DTWD2: variants seen among roughly 807,000 people sequenced by gnomAD.
DTWD2 encodes the protein DTW motif tRNA-uridine aminocarboxypropyltransferase 2.
Under a neutral mutation model 31.8 loss-of-function variants are expected in DTWD2, and 39 were observed. The ratio of observed to expected loss-of-function variants is 1.22; its 90% CI spans 0.95 to 1.60. The LOEUF (loss-of-function observed/expected upper bound fraction) is 1.60. DTWD2 is among the 40% of genes most tolerant of loss of function. The probability of loss-of-function intolerance (pLI) is 0.00; values close to 1 mark genes in which losing one functional copy is unlikely to be tolerated. For synonymous variants in DTWD2, 180 were observed against 142.8 expected (o/e 1.26, Z -1.86); for missense variants, 515 against 381.5 (o/e 1.35, Z -2.92).
At position 118,883,216 on chromosome 5, in the gene DTWD2, C is replaced by T. The variant is rs185225159; in HGVS notation, c.598-34998G>A. On this transcript the variant is annotated intron_variant, in intron 4 of 5. Coordinates refer to ENST00000510708, the MANE Select transcript of DTWD2 (RefSeq NM_173666.4). ...TTTGCTAAAGCATAGCAAGAGTGAC[C>T]TTTGCTCCAGTTCCCAATAAGTTCC... Among the ~76,000 whole-genome samples, 31 of 152,282 alleles carry T rather than the reference C, an allele frequency of 2.0e-4. No homozygotes were observed. In the East Asian group the frequency reaches 2.9e-3, roughly 14 times the overall value.
intron 3 of DTWD2, among the ~76,000 whole-genome samples, chr5:118,933,415 A>G (rs183940102): frequency 6.6e-4 from 100 of 152,322 alleles, no homozygotes; most frequent in African/African-American, 2.3e-3. Flanking sequence ...AAAAATTCTC[A>G]ACAAAATATC....
chr5:118,902,048 CTAA>C (rs1753222166), intron 4 of DTWD2, among the ~76,000 whole-genome samples: 1 of 152,138 alleles, frequency 6.6e-6, no homozygotes, highest in Admixed American at 6.5e-5. Context: ...TAAACATATT[CTAA>C]TAATGTGTCT....
At position 118,839,354 on chromosome 5, in the gene DTWD2, G is replaced by GTTTA. The variant is rs965872473; in HGVS notation, c.*1559_*1562dup. 35 of 151,874 alleles carry GTTTA rather than the reference G, an allele frequency of 2.3e-4. No individual in the cohort carries two copies. The highest frequency in any genetic ancestry group is 6.3e-4 in the African/African-American group (26 of 41,442). The allele number at this position is 151,874 out of a possible 1,614,324, so 9.4% of individuals were successfully genotyped here. ...CTTTACATTGTAAATGAGCTAGTTTGTTTATTTATTTATTTATTTTAGACA... is the reference window on the plus strand; with the variant it reads ...CTTTACATTGTAAATGAGCTAGTTTGTTTATTTATTTATTTATTTATTTTAGACA... On this transcript the variant is annotated 3_prime_UTR_variant, in exon 6 of 6. Transcript: ENST00000510708.
At chr5:118,978,447 G>C (rs1471646598) in intron 1 of DTWD2, among the ~76,000 whole-genome samples, 1 of 152,080 alleles carries the variant, frequency 6.6e-6, no homozygotes. Flanking sequence ...ACAACCTACA[G>C]AATGGGAGAA....
At chr5:118,949,333 G>C (rs1308772587) in intron 1 of DTWD2, among the ~76,000 whole-genome samples, 2 of 152,150 alleles carry the variant, frequency 1.3e-5, no homozygotes, top group African/African-American at 2.4e-5. Flanking sequence ...AAAGCAAAGA[G>C]AGGCTGGGAT....
intron 4 of DTWD2, among the ~76,000 whole-genome samples, chr5:118,923,290 A>G (rs967919720): frequency 6.6e-6 from 1 of 152,218 alleles, no homozygotes; most frequent in Non-Finnish European, 1.5e-5. Flanking sequence ...TTGGCAGCCC[A>G]TTCAGGGCGC....
At chr5:118,977,591 C>T (rs1755194198) in intron 1 of DTWD2, among the ~76,000 whole-genome samples, 1 of 152,062 alleles carries the variant, frequency 6.6e-6, no homozygotes, top group Middle Eastern at 3.2e-3. Flanking sequence ...TTCGCAATTG[C>T]TACAAAGAGA....
In DTWD2 at chr5:118,988,490, G is replaced by C; in HGVS notation, c.22C>G (p.Arg8Gly). MESQKEA[R>G]TLQEPVARPS... ...CGCGCAACGGGCTCCTGGAGTGTTC[G>C]TGCCTCTTTCTGCGACTCCATGGCG... is the stretch of plus-strand genomic sequence containing the variant. The change falls in exon 1 of 6, where the codon CGA becomes GGA. Residue 8 changes from arginine (R) to glycine (G), a missense_variant. Arg to Gly is a moderately radical substitution (Grantham distance 125, BLOSUM62 -2). Transcript: ENST00000510708. 1 of 1,589,112 alleles carries C rather than the reference G, an allele frequency of 6.3e-7. No individual in the cohort carries two copies. The highest frequency in any genetic ancestry group is 8.5e-7 in the Non-Finnish European group (1 of 1,169,640).
At chr5:118,922,382 C>T (rs975635979) in intron 4 of DTWD2, among the ~76,000 whole-genome samples, 1 of 152,104 alleles carries the variant, frequency 6.6e-6, no homozygotes, top group Non-Finnish European at 1.5e-5. Context: ...TTCTCTCATA[C>T]ATTTAGAGCA....
intron 1 of DTWD2, among the ~76,000 whole-genome samples, chr5:118,960,206 T>C (rs868183457): frequency 1.3e-5 from 2 of 152,194 alleles, no homozygotes; most frequent in Admixed American, 1.3e-4. Flanking sequence ...AAAGGTCTAA[T>C]ATTCAGAATC....
intron 1 of DTWD2, among the ~76,000 whole-genome samples, chr5:118,953,587 T>G (rs975977277): frequency 1.3e-5 from 2 of 152,180 alleles, no homozygotes; most frequent in Non-Finnish European, 2.9e-5. Context: ...AAAGACCCTA[T>G]GGGGACACCA....
At chr5:118,861,852 G>A (rs577304042) in intron 4 of DTWD2, among the ~76,000 whole-genome samples, 87 of 152,280 alleles carry the variant, frequency 5.7e-4, no homozygotes, top group African/African-American at 1.9e-3. Flanking sequence ...CAATTAGAAC[G>A]ACTCTGCTGA....
At chr5:118,886,405 G>C (rs1013717853) in intron 4 of DTWD2, among the ~76,000 whole-genome samples, 9 of 152,138 alleles carry the variant, frequency 5.9e-5, no homozygotes, top group African/African-American at 1.9e-4. Flanking sequence ...ATATGTTGTG[G>C]GTACTATGGA....
At chr5:118,981,687 G>A (rs1343809314) in intron 1 of DTWD2, among the ~76,000 whole-genome samples, 10 of 151,852 alleles carry the variant, frequency 6.6e-5, no homozygotes, top group African/African-American at 1.7e-4. Flanking sequence ...CAGCCTCCCC[G>A]AATCTGCCTT....
chr5:118,887,565 A>C (rs539352727), intron 4 of DTWD2, among the ~76,000 whole-genome samples: 1 of 152,226 alleles, frequency 6.6e-6, no homozygotes, highest in Non-Finnish European at 1.5e-5. Context: ...TGTATACAAA[A>C]GCATGGGTCT....
chr5:118,952,225 G>A (rs1754482788), intron 1 of DTWD2, among the ~76,000 whole-genome samples: 1 of 152,216 alleles, frequency 6.6e-6, no homozygotes, highest in African/African-American at 2.4e-5. Flanking sequence ...ACAGGGGATT[G>A]ATCTCCCAAG....
At chr5:118,871,571 C>T (rs575937667) in intron 4 of DTWD2, among the ~76,000 whole-genome samples, 230 of 152,344 alleles carry the variant, frequency 1.5e-3, no homozygotes, top group Non-Finnish European at 2.7e-3. Flanking sequence ...TATACATCTT[C>T]ATCAGATCTC....
chr5:118,944,555 T>C lies in DTWD2; in HGVS notation c.309+4A>G. ...TTGAAATCCTGTATTTTACAAAATC[T>C]TACCTCTGCTGGATGCTGAATTATG... On this transcript the variant is annotated splice_donor_region_variant and intron_variant, in intron 2 of 5. Coordinates refer to ENST00000510708, the MANE Select transcript of DTWD2 (RefSeq NM_173666.4). 1.2e-6 allele frequency: 2 copies of C among 1,612,622 alleles called. No homozygotes were observed. The highest frequency in any genetic ancestry group is 1.7e-6 in the Non-Finnish European group (2 of 1,179,302).
intron 4 of DTWD2, among the ~76,000 whole-genome samples, chr5:118,874,230 T>C (rs1036977192): frequency 3.9e-5 from 6 of 152,084 alleles, no homozygotes; most frequent in African/African-American, 1.4e-4. Context: ...AGACTGAATA[T>C]AGATAAGACC....
Sources: gnomAD v4.1 joint callset for allele counts (sites outside exome capture counted in the v4.1 genomes callset) on GRCh38, gnomAD v4.1.1 for gene constraint, MANE v1.5 for transcripts, NCBI Gene and HGNC (gene_info 2026-07-23, HGNC 2026-07-21) for gene names.